Variants in ACOT12 observed in about 807,000 individuals in gnomAD.
ACOT12 encodes acyl-CoA thioesterase 12.
ACOT12 carries 51 observed loss-of-function variants against 67.7 expected under a neutral mutation model. The ratio of observed to expected loss-of-function variants is 0.75; its 90% CI spans 0.60 to 0.95. ACOT12 has a LOEUF of 0.95. ACOT12 is among the 40% of genes least tolerant of loss of function. The pLI, the probability that ACOT12 is intolerant of heterozygous loss-of-function variation, is 0.00. For missense variants in ACOT12, 734 were observed against 708.1 expected (o/e 1.04, Z -0.41); for synonymous variants, 251 against 244.6 (o/e 1.03, Z -0.24).
the ACOT12 span, among the ~76,000 whole-genome samples, chr5:81,323,935 T>A: frequency 2.6e-5 from 3 of 117,390 alleles, no homozygotes; most frequent in Admixed American, 1.0e-4. Flanking sequence ...TATATACATA[T>A]ATGTGTATAT....
At chr5:81,382,057 TTTA>T (rs1222408695) in intron 2 of ACOT12, among the ~76,000 whole-genome samples, 2 of 152,164 alleles carry the variant, frequency 1.3e-5, no homozygotes, top group African/African-American at 4.8e-5. Context: ...ATCAAATAAG[TTTA>T]TGTCTTTAAA....
intron 4 of ACOT12, among the ~76,000 whole-genome samples, chr5:81,361,316 G>T (rs1224332857): frequency 6.6e-6 from 1 of 151,588 alleles, no homozygotes; most frequent in Non-Finnish European, 1.5e-5. Context: ...GGGCTCAAGG[G>T]ATCCTCTCAG....
intron 2 of ACOT12, among the ~76,000 whole-genome samples, chr5:81,381,310 C>T (rs1308793644): frequency 1.3e-5 from 2 of 152,058 alleles, no homozygotes; most frequent in Non-Finnish European, 2.9e-5. Flanking sequence ...CTCAGATGAT[C>T]CACCCACCTC....
chr5:81,311,169 G>C, the ACOT12 span: 2 of 1,609,272 alleles, frequency 1.2e-6, no homozygotes, highest in Non-Finnish European at 1.7e-6. Flanking sequence ...AAAACCCCTT[G>C]CAAGTATGAG....
At chr5:81,341,860 G>T (rs1759203361) in intron 11 of ACOT12, among the ~76,000 whole-genome samples, 1 of 152,192 alleles carries the variant, frequency 6.6e-6, no homozygotes, top group African/African-American at 2.4e-5. Context: ...TTCTTAAGAG[G>T]TTTATAATGT....
At chr5:81,366,554 T>G (rs1760083531) in intron 3 of ACOT12, among the ~76,000 whole-genome samples, 1 of 152,176 alleles carries the variant, frequency 6.6e-6, no homozygotes, top group Non-Finnish European at 1.5e-5. Flanking sequence ...ACTCTGTCAA[T>G]GTACTGTGAT....
downstream of ACOT12, among the ~76,000 whole-genome samples, chr5:81,329,566 C>T (rs1336545020): frequency 2.6e-5 from 4 of 152,080 alleles, no homozygotes; most frequent in Admixed American, 6.6e-5. Flanking sequence ...GTGCTCCCAC[C>T]AAAAATGGAG....
At chr5:81,368,068 G>C (rs982816005) in intron 3 of ACOT12, among the ~76,000 whole-genome samples, 3 of 152,156 alleles carry the variant, frequency 2.0e-5, no homozygotes, top group Non-Finnish European at 4.4e-5. Flanking sequence ...AAGGTGAACA[G>C]ATCACCTGAG....
the ACOT12 span, chr5:81,311,104 A>G: frequency 1.8e-6 from 2 of 1,111,736 alleles, no homozygotes; most frequent in Middle Eastern, 2.0e-4. Flanking sequence ...AGCTACCTTT[A>G]CAACTGACAG....
At chr5:81,360,525 G>C (rs141663942) in intron 4 of ACOT12, among the ~76,000 whole-genome samples, 51 of 152,294 alleles carry the variant, frequency 3.3e-4, no homozygotes, top group African/African-American at 1.2e-3. Flanking sequence ...ATTACATGGT[G>C]AAAACATTAT....
chr5:81,332,239 T>C (rs1051582922), intron 13 of ACOT12, among the ~76,000 whole-genome samples: 4 of 152,200 alleles, frequency 2.6e-5, no homozygotes, highest in Non-Finnish European at 4.4e-5. Flanking sequence ...CAGTTTTACA[T>C]TTACGTAGGA....
intron 3 of ACOT12, among the ~76,000 whole-genome samples, chr5:81,369,772 G>T (rs1439461623): frequency 6.6e-6 from 1 of 152,138 alleles, no homozygotes; most frequent in Non-Finnish European, 1.5e-5. Flanking sequence ...TGTAAAGGAG[G>T]TTTTATCTAT....
chr5:81,370,698 T>A lies in ACOT12; in HGVS notation c.258+1052A>T, dbSNP rs185223053. 1.2e-4 allele frequency among the ~76,000 whole-genome samples: 18 copies of A among 152,304 alleles called. 2 individuals are homozygous for A. The East Asian group carries it at 3.5e-3, about 29-fold the overall frequency. ...CCCTCAGAGAAACCATCCTTGCCCATATTTTGATGTAGGACTTCTAGCTCC... is the reference window on the plus strand; with the variant it reads ...CCCTCAGAGAAACCATCCTTGCCCAAATTTTGATGTAGGACTTCTAGCTCC... On this transcript the variant is annotated intron_variant, in intron 3 of 14. Transcript: ENST00000307624.
intron 1 of ACOT12, among the ~76,000 whole-genome samples, chr5:81,392,535 G>A (rs1008539094): frequency 3.3e-5 from 5 of 152,136 alleles, no homozygotes; most frequent in Non-Finnish European, 7.3e-5. Flanking sequence ...GATGACAATT[G>A]CAGGTGGGCC....
chr5:81,321,084 C>T, the ACOT12 span, among the ~76,000 whole-genome samples: 1,305 of 152,168 alleles, frequency 8.6e-3, 11 homozygotes, highest in Middle Eastern at 0.027. Context: ...GGCAAAACCC[C>T]GTCTCTACAA....
At chr5:81,374,176 C>CT (rs1760339601) in intron 2 of ACOT12, among the ~76,000 whole-genome samples, 1 of 152,186 alleles carries the variant, frequency 6.6e-6, no homozygotes, top group African/African-American at 2.4e-5. Flanking sequence ...GCAGCCTCTG[C>CT]TGGGAATACC....
intron 11 of ACOT12, 24 bp downstream of exon 11, chr5:81,342,648 T>G: frequency 6.2e-7 from 1 of 1,612,712 alleles, no homozygotes; most frequent in South Asian, 1.1e-5. Context: ...CGATGGATTA[T>G]GCAAATACCT....
rs112980342 is a variant in ACOT12 at position 81,335,987 on chromosome 5, C to A, written c.1129-86G>T. 3.1e-3 allele frequency: 4,142 copies of A among 1,350,346 alleles called. 91 individuals carry two copies. The African/African-American group carries it at 0.055, about 18-fold the overall frequency. The allele number at this position is 1,350,346 out of a possible 1,614,324, so 83.6% of individuals were successfully genotyped here. A position where few individuals can be genotyped will look rare whatever the true frequency, so the allele number is the denominator to read the frequency against. On this transcript the variant is annotated intron_variant, in intron 11 of 14. Transcript: ENST00000307624. ...ATATGCATATATATGTAGTCATAGA[C>A]CAATTGCACTAACTAAGGCATCTTA...
chr5:81,364,309 TATC>T (rs543975244), intron 3 of ACOT12, among the ~76,000 whole-genome samples: 135 of 151,312 alleles, frequency 8.9e-4, no homozygotes, highest in African/African-American at 3.0e-3. Context: ...ACATATATAA[TATC>T]ATATTACATA....
Sources: gnomAD v4.1 joint callset for allele counts (sites outside exome capture counted in the v4.1 genomes callset) on GRCh38, gnomAD v4.1.1 for gene constraint, MANE v1.5 for transcripts, NCBI Gene and HGNC (gene_info 2026-07-23, HGNC 2026-07-21) for gene names.